The following SLC44A5 variants were observed in gnomAD, a reference collection of about 807,000 sequenced individuals.
SLC44A5 encodes solute carrier family 44 member 5, also known as choline transporter-like protein 5.
SLC44A5 carries 57 observed loss-of-function variants against 101.8 expected under a neutral mutation model. That is an observed-to-expected ratio of 0.56 (90% confidence interval 0.45 to 0.70). SLC44A5 has a LOEUF of 0.70. Ranked by LOEUF, SLC44A5 falls within the 30% of genes least tolerant of loss-of-function variation. SLC44A5 has a pLI of 0.00. For synonymous variants in SLC44A5, 281 were observed against 290.9 expected, an observed-to-expected ratio of 0.97 and a Z score of 0.35; for missense variants, 737 against 853.1, an observed-to-expected ratio of 0.86 and a Z score of 1.70.
At chr1:75,379,911 C>A (rs1660836545) in intron 3 of SLC44A5, among the ~76,000 whole-genome samples, 1 of 82,818 alleles carries the variant, frequency 1.2e-5, no homozygotes, top group Non-Finnish European at 2.1e-5. Context: ...ATTCAACCAA[C>A]TACAACAGGT....
intron 7 of SLC44A5, among the ~76,000 whole-genome samples, chr1:75,248,188 AG>A (rs1649276348): frequency 6.6e-6 from 1 of 152,098 alleles, no homozygotes; most frequent in Non-Finnish European, 1.5e-5. Context: ...AGAGACAGAG[AG>A]GAATGGCTGG....
intron 6 of SLC44A5, among the ~76,000 whole-genome samples, chr1:75,272,792 C>A (rs1043005139): frequency 6.6e-6 from 1 of 152,106 alleles, no homozygotes; most frequent in Non-Finnish European, 1.5e-5. Flanking sequence ...GTGACTATGG[C>A]CTTAAAGTAC....
chr1:75,458,076 A>G (rs996744202), intron 2 of SLC44A5, among the ~76,000 whole-genome samples: 1 of 152,242 alleles, frequency 6.6e-6, no homozygotes, highest in Non-Finnish European at 1.5e-5. Context: ...AAGCTAAGTC[A>G]TAGTGAATGA....
At chr1:75,271,384 A>T (rs887838851) in intron 6 of SLC44A5, among the ~76,000 whole-genome samples, 1 of 151,680 alleles carries the variant, frequency 6.6e-6, no homozygotes, top group Non-Finnish European at 1.5e-5. Context: ...ATTTTAGCGC[A>T]CCCATCTCTT....
At position 75,426,312 on chromosome 1, in the gene SLC44A5, G is replaced by C. The variant is rs571819688; in HGVS notation, c.14-29691C>G. ...CTCTCCTAACACAAAATCATTCCAG[G>C]TGTTCTTTTAGGAAGTAGTTAGTTG... is the stretch of plus-strand genomic sequence containing the variant. On this transcript the variant is annotated intron_variant, in intron 2 of 23. Coordinates refer to ENST00000370859, the MANE Select transcript of SLC44A5 (RefSeq NM_001130058.2). 3.3e-5 allele frequency among the ~76,000 whole-genome samples: 5 copies of C among 152,244 alleles called. No individual in the cohort carries two copies. In the East Asian group the frequency reaches 9.7e-4, roughly 29 times the overall value.
intron 7 of SLC44A5, among the ~76,000 whole-genome samples, chr1:75,244,350 T>G (rs565841228): frequency 1.4e-4 from 21 of 152,084 alleles, no homozygotes; most frequent in Non-Finnish European, 2.9e-4. Context: ...ACTTTATGAT[T>G]TTACAGTATA....
At chr1:75,633,529 A>G in the SLC44A5 span, among the ~76,000 whole-genome samples, 4 of 152,186 alleles carry the variant, frequency 2.6e-5, no homozygotes, top group African/African-American at 7.2e-5. Flanking sequence ...TATGTCTGTT[A>G]TTGGTGTATA....
At chr1:75,342,258 G>T (rs1476412439) in intron 3 of SLC44A5, among the ~76,000 whole-genome samples, 1 of 152,116 alleles carries the variant, frequency 6.6e-6, no homozygotes, top group East Asian at 1.9e-4. Context: ...TTGTACCAGG[G>T]ACTACCGTAA....
chr1:75,537,027 A>AT (rs1259131494), intron 2 of SLC44A5, among the ~76,000 whole-genome samples: 6 of 34,090 alleles, frequency 1.8e-4, no homozygotes, highest in Non-Finnish European at 5.9e-4. Flanking sequence ...AAAAAAAAAA[A>AT]AAAAAAATAT....
At chr1:75,537,019 A>G (rs1258409112) in intron 2 of SLC44A5, among the ~76,000 whole-genome samples, 2 of 41,092 alleles carry the variant, frequency 4.9e-5, no homozygotes, top group Admixed American at 3.2e-4. Flanking sequence ...AAAAAAAAAA[A>G]AAAAAAAAAA....
the SLC44A5 span, among the ~76,000 whole-genome samples, chr1:75,671,518 A>G: frequency 6.6e-6 from 1 of 152,346 alleles, no homozygotes; most frequent in South Asian, 2.1e-4. Flanking sequence ...ACCATAAAAA[A>G]GCAGAAAATC....
intron 2 of SLC44A5, among the ~76,000 whole-genome samples, chr1:75,494,324 G>A (rs926291814): frequency 3.9e-5 from 6 of 151,956 alleles, no homozygotes; most frequent in Non-Finnish European, 8.8e-5. Context: ...CATTACCCCC[G>A]GCCTCCTCCA....
At chr1:75,562,932 A>C (rs1432411323) in intron 1 of SLC44A5, among the ~76,000 whole-genome samples, 1 of 152,172 alleles carries the variant, frequency 6.6e-6, no homozygotes, top group Non-Finnish European at 1.5e-5. Flanking sequence ...TGACATTTTT[A>C]CAAAAACACT....
At chr1:75,218,425 G>A in intron 17 of SLC44A5, 65 bp downstream of exon 17, 6 of 1,574,818 alleles carry the variant, frequency 3.8e-6, no homozygotes, top group Non-Finnish European at 5.2e-6. Context: ...AATGAGCCAA[G>A]ACTGAATTAC....
intron 9 of SLC44A5, among the ~76,000 whole-genome samples, 177 bp from the exon 10 acceptor site, chr1:75,238,813 C>T (rs1256216416): frequency 1.3e-5 from 2 of 151,940 alleles, no homozygotes; most frequent in African/African-American, 4.8e-5. Context: ...GGTCCTAAGA[C>T]TAGAAAGCAA....
At chr1:75,672,568 T>G in the SLC44A5 span, among the ~76,000 whole-genome samples, 1 of 152,120 alleles carries the variant, frequency 6.6e-6, no homozygotes, top group Non-Finnish European at 1.5e-5. Flanking sequence ...CCTGTGCTGG[T>G]CTTGGAGTCA....
intron 5 of SLC44A5, among the ~76,000 whole-genome samples, chr1:75,297,398 A>G (rs1305493864): frequency 6.6e-6 from 1 of 151,942 alleles, no homozygotes; most frequent in African/African-American, 2.4e-5. Context: ...CATCCTCCCA[A>G]CTCAGCCTCC....
chr1:75,651,696 CAAAAAAAAAA>C, the SLC44A5 span, among the ~76,000 whole-genome samples: 5 of 70,152 alleles, frequency 7.1e-5, no homozygotes, highest in East Asian at 5.0e-4. Context: ...GACTCTGTCT[CAAAAAAAAAA>C]AAAAAAAAAA....
intron 4 of SLC44A5, among the ~76,000 whole-genome samples, chr1:75,337,681 C>A (rs1657551549): frequency 6.6e-6 from 1 of 152,124 alleles, no homozygotes; most frequent in Admixed American, 6.5e-5. Context: ...CTCTCATACA[C>A]CCAGTTCTTG....
Sources: allele counts gnomAD v4.1 joint callset (sites outside exome capture counted in the v4.1 genomes callset), GRCh38; gene constraint gnomAD v4.1.1; transcripts MANE v1.5; gene names NCBI Gene and HGNC (gene_info 2026-07-23, HGNC 2026-07-21).